The following HS6ST3 variants were observed in gnomAD, a reference collection of about 807,000 sequenced individuals.
The protein encoded by HS6ST3 is heparan-sulfate 6-O-sulfotransferase 3.
A neutral mutation model predicts 36.7 loss-of-function variants in HS6ST3; 12 were observed. The observed-to-expected ratio is 0.33, with a 90% CI of 0.21 to 0.53. The LOEUF is 0.53. HS6ST3 is among the 20% of genes least tolerant of loss of function. HS6ST3 has a pLI of 0.95. For synonymous variants in HS6ST3, 240 were observed against 257.5 expected (o/e 0.93, Z 0.65); for missense variants, 584 against 640.9 (o/e 0.91, Z 0.96).
intron 1 of HS6ST3, among the ~76,000 whole-genome samples, chr13:96,831,975 A>AAAAAAAAAAAACAAAAAC (rs1566464310): frequency 6.7e-6 from 1 of 148,538 alleles, no homozygotes; most frequent in African/African-American, 2.5e-5. Flanking sequence ...AAAAAAAAAA[A>AAAAAAAAAAAACAAAAAC]AAAAACAGAG....
intron 1 of HS6ST3, among the ~76,000 whole-genome samples, chr13:96,587,868 T>C (rs1261598471): frequency 1.3e-5 from 2 of 152,206 alleles, no homozygotes; most frequent in East Asian, 3.8e-4. Context: ...ACAATATTAA[T>C]TTTTCTAAGC....
intron 1 of HS6ST3, among the ~76,000 whole-genome samples, chr13:96,323,332 A>T (rs370989519): frequency 2.0e-5 from 3 of 152,182 alleles, no homozygotes; most frequent in Non-Finnish European, 2.9e-5. Flanking sequence ...ATCTTGTATT[A>T]TCTCTAACAT....
intron 1 of HS6ST3, among the ~76,000 whole-genome samples, chr13:96,477,196 A>C (rs1455701021): frequency 6.6e-6 from 1 of 152,102 alleles, no homozygotes. Context: ...GGAGTTCCTG[A>C]TCAGAATTCT....
intron 1 of HS6ST3, chr13:96,169,807 A>T (rs2054178962): frequency 6.6e-6 from 1 of 152,274 alleles, no homozygotes; most frequent in African/African-American, 2.4e-5. Flanking sequence ...GTGAATAGCC[A>T]CTGCACTCCC....
chr13:96,761,513 A>G (rs1460083598), intron 1 of HS6ST3, among the ~76,000 whole-genome samples: 4 of 151,934 alleles, frequency 2.6e-5, no homozygotes, highest in African/African-American at 7.3e-5. Context: ...AGAATGAGCA[A>G]CTGTTTTAAT....
intron 1 of HS6ST3, among the ~76,000 whole-genome samples, chr13:96,663,413 A>G (rs1355566451): frequency 1.3e-5 from 2 of 152,190 alleles, no homozygotes; most frequent in Non-Finnish European, 2.9e-5. Flanking sequence ...ACCAAACATC[A>G]TGAGTCATTA....
At chr13:96,822,825 G>A (rs1169427164) in intron 1 of HS6ST3, among the ~76,000 whole-genome samples, 1 of 152,198 alleles carries the variant, frequency 6.6e-6, no homozygotes. Context: ...TCGGGTGAGG[G>A]ACCTCCATCT....
rs537649481 is a variant in HS6ST3, at chr13:96,466,135, G to T, written c.708-366355G>T. Reference sequence around the variant, plus strand: ...GTCTCTACTAAAAATACAAAAATGAGCTAGGCGTGGTGGTGCTCAACTGTA... The same window carrying T: ...GTCTCTACTAAAAATACAAAAATGATCTAGGCGTGGTGGTGCTCAACTGTA... On this transcript the variant is annotated intron_variant, in intron 1 of 1. Transcript: ENST00000376705. Among the ~76,000 whole-genome samples the T allele has an allele frequency of 1.3e-4, 20 of 152,146 alleles. No individual in the cohort carries two copies. The South Asian group carries it at 3.7e-3, about 28-fold the overall frequency.
intron 1 of HS6ST3, among the ~76,000 whole-genome samples, chr13:96,487,742 C>T (rs1380767632): frequency 6.6e-6 from 1 of 152,126 alleles, no homozygotes; most frequent in Non-Finnish European, 1.5e-5. Flanking sequence ...AATAATTAGA[C>T]CCTGATTCAC....
rs35266831 is a variant in HS6ST3, at chr13:96,831,954, C to CAA, written c.708-511_708-510dup. Among the ~76,000 whole-genome samples, 146 of 21,842 alleles carry CAA rather than the reference C, an allele frequency of 6.7e-3. 25 individuals carry two copies. The highest frequency in any genetic ancestry group is 0.015 in the South Asian group (6 of 394). The allele number at this position is 21,842 out of a possible 152,430, so 14.3% of individuals were successfully genotyped here. ...TGGGTGACAGAGCAAGACTCCCTCT[C>CAA]AAAAAAAAAAAAAAAAAAAAAAAAA... is the stretch of plus-strand genomic sequence containing the variant. On this transcript the variant is annotated intron_variant, in intron 1 of 1. Coordinates refer to ENST00000376705, the MANE Select transcript of HS6ST3 (RefSeq NM_153456.4).
At chr13:96,593,698 A>G (rs2056391718) in intron 1 of HS6ST3, among the ~76,000 whole-genome samples, 1 of 151,616 alleles carries the variant, frequency 6.6e-6, no homozygotes, top group Non-Finnish European at 1.5e-5. Context: ...TCTCTGATTT[A>G]TTTTGAATTT....
chr13:96,136,125 A>G (rs2054000497), intron 1 of HS6ST3, among the ~76,000 whole-genome samples: 1 of 152,094 alleles, frequency 6.6e-6, no homozygotes, highest in Non-Finnish European at 1.5e-5. Context: ...CACCTACAAT[A>G]CACAGGTTTG....
In HS6ST3 at chr13:96,458,426, T is replaced by C. The variant is rs772445682; in HGVS notation, c.707+366857T>C. On this transcript the variant is annotated intron_variant, in intron 1 of 1. Transcript: ENST00000376705. ...GAAGTTTTTCTTAGATATTTTCTGC[T>C]CAGTTCTTTTAATGGAGCCATTTCT... Among the ~76,000 whole-genome samples, 34 of 152,324 alleles carry C rather than the reference T, an allele frequency of 2.2e-4. No homozygotes were observed. The South Asian group carries it at 2.5e-3, about 11-fold the overall frequency.
At chr13:96,408,022 C>A (rs1370869442) in intron 1 of HS6ST3, among the ~76,000 whole-genome samples, 3 of 152,180 alleles carry the variant, frequency 2.0e-5, no homozygotes, top group Non-Finnish European at 4.4e-5. Context: ...CTCACTGCAA[C>A]CTCCGCCCCT....
intron 1 of HS6ST3, among the ~76,000 whole-genome samples, chr13:96,558,307 G>T (rs2056248915): frequency 6.6e-6 from 1 of 152,188 alleles, no homozygotes; most frequent in Non-Finnish European, 1.5e-5. Context: ...TGTACTGTGT[G>T]CCAAGTTCTG....
chr13:96,458,275 A>G (rs920927366), intron 1 of HS6ST3, among the ~76,000 whole-genome samples: 7 of 152,230 alleles, frequency 4.6e-5, no homozygotes, highest in Admixed American at 3.9e-4. Context: ...TTTCTGTTTT[A>G]AGCATTTATT....
chr13:96,489,327 C>A (rs1429393243), intron 1 of HS6ST3, among the ~76,000 whole-genome samples: 1 of 151,576 alleles, frequency 6.6e-6, no homozygotes, highest in Admixed American at 6.6e-5. Flanking sequence ...TCAAGACACA[C>A]AATAAACTCA....
intron 1 of HS6ST3, among the ~76,000 whole-genome samples, chr13:96,694,036 A>G (rs563162007): frequency 2.0e-5 from 3 of 152,038 alleles, no homozygotes; most frequent in Non-Finnish European, 4.4e-5. Flanking sequence ...TTTTATTTTA[A>G]ATTCAGGGGT....
intron 1 of HS6ST3, among the ~76,000 whole-genome samples, chr13:96,823,833 T>C (rs1878590013): frequency 1.3e-5 from 2 of 152,260 alleles, no homozygotes; most frequent in East Asian, 3.9e-4. Context: ...TTGGCCAGAC[T>C]GGTTTTGAAC....
Sources: gnomAD v4.1 joint callset for allele counts (sites outside exome capture counted in the v4.1 genomes callset) on GRCh38, gnomAD v4.1.1 for gene constraint, MANE v1.5 for transcripts, NCBI Gene and HGNC (gene_info 2026-07-23, HGNC 2026-07-21) for gene names.